The following COPG2 variants were observed in gnomAD, a reference collection of about 807,000 sequenced individuals.
COPG2 encodes coatomer subunit gamma-2.
A neutral mutation model predicts 46.3 loss-of-function variants in COPG2; 37 were observed. The observed-to-expected ratio is 0.80, with a 90% CI of 0.61 to 1.05. The LOEUF is 1.05. Among genes scored for constraint, COPG2 ranks in the 50% least tolerant of loss-of-function variants. The pLI is 0.00. For missense variants in COPG2, 427 were observed against 387.8 expected, an observed-to-expected ratio of 1.10 and a Z score of -0.85; for synonymous variants, 159 against 129.7, an observed-to-expected ratio of 1.23 and a Z score of -1.53.
chr7:130,617,134 A>G (rs1186607478), intron 5 of COPG2, 69 bp from the exon 6 acceptor site: 6 of 863,646 alleles, frequency 6.9e-6, no homozygotes, highest in Admixed American at 2.5e-5. Context: ...CCCCTAGCCA[A>G]TTTCCAATTG....
intron 9 of COPG2, among the ~76,000 whole-genome samples, chr7:130,585,986 G>A (rs1584984679): frequency 1.3e-5 from 2 of 152,026 alleles, no homozygotes; most frequent in African/African-American, 4.8e-5. Flanking sequence ...TCGAGGAAAA[G>A]AAGTCATTAT....
chr7:130,652,545 A>G (rs1248587867), intron 5 of COPG2, among the ~76,000 whole-genome samples: 1 of 152,196 alleles, frequency 6.6e-6, no homozygotes, highest in Non-Finnish European at 1.5e-5. Context: ...AGTTCTTTAT[A>G]TATTACAGAT....
chr7:130,517,131 G>A (rs1351472246), intron 20 of COPG2, among the ~76,000 whole-genome samples: 4 of 152,054 alleles, frequency 2.6e-5, no homozygotes, highest in African/African-American at 4.8e-5. Flanking sequence ...GAAAGTGAAG[G>A]GTTCCTGCTG....
chr7:130,615,129 T>C (rs573783052), intron 6 of COPG2, among the ~76,000 whole-genome samples: 1 of 152,360 alleles, frequency 6.6e-6, no homozygotes, highest in African/African-American at 2.4e-5. Flanking sequence ...TCCTTGGCTT[T>C]GCAGTTCTAG....
At chr7:130,611,448 G>A (rs1333259761) in intron 8 of COPG2, among the ~76,000 whole-genome samples, 1 of 152,074 alleles carries the variant, frequency 6.6e-6, no homozygotes, top group East Asian at 1.9e-4. Flanking sequence ...CTCTACGAGT[G>A]GCTTTACATC....
chr7:130,631,683 T>C (rs1263260387), intron 5 of COPG2, among the ~76,000 whole-genome samples: 1 of 152,212 alleles, frequency 6.6e-6, no homozygotes, highest in African/African-American at 2.4e-5. Flanking sequence ...TTCTCTTCTT[T>C]GCCTCATGCT....
intron 20 of COPG2, among the ~76,000 whole-genome samples, chr7:130,546,534 A>T (rs924719793): frequency 1.5e-4 from 23 of 152,202 alleles, no homozygotes; most frequent in Non-Finnish European, 3.2e-4. Context: ...GGGGTTATGG[A>T]TCCAGGGTGG....
chr7:130,619,894 C>G (rs1305239534), intron 5 of COPG2, among the ~76,000 whole-genome samples: 5 of 152,150 alleles, frequency 3.3e-5, no homozygotes, highest in African/African-American at 1.2e-4. Flanking sequence ...TGAAAACTGC[C>G]ATGAATGGCT....
intron 6 of COPG2, among the ~76,000 whole-genome samples, chr7:130,614,786 G>A (rs782162749): frequency 5.9e-5 from 9 of 152,088 alleles, no homozygotes; most frequent in Non-Finnish European, 7.4e-5. Context: ...GCTGGGCATC[G>A]GCCTGGTTTT....
At chr7:130,657,040 GC>G (rs1413483630) in intron 4 of COPG2, among the ~76,000 whole-genome samples, 3 of 150,660 alleles carry the variant, frequency 2.0e-5, no homozygotes, top group Non-Finnish European at 4.4e-5. Flanking sequence ...ATATGGAAAT[GC>G]AAAGGGCCCA....
intron 5 of COPG2, 135 bp downstream of exon 5, chr7:130,652,734 T>A (rs1446919125): frequency 1.5e-6 from 1 of 656,746 alleles, no homozygotes; most frequent in Non-Finnish European, 2.6e-6. Flanking sequence ...AAAACTTCAT[T>A]TTAGAAAAGA....
chr7:130,577,324 A>G (rs1038613446), intron 9 of COPG2, among the ~76,000 whole-genome samples: 7 of 152,246 alleles, frequency 4.6e-5, no homozygotes, highest in Non-Finnish European at 1.0e-4. Context: ...CACCGTGCGC[A>G]AGCCGAACCA....
At chr7:130,641,941 G>A (rs1478858905) in intron 5 of COPG2, among the ~76,000 whole-genome samples, 1 of 152,126 alleles carries the variant, frequency 6.6e-6, no homozygotes, top group African/African-American at 2.4e-5. Flanking sequence ...CATGGTCTTT[G>A]AATTTTTCAT....
At chr7:130,573,927 G>A (rs1170354699) in intron 9 of COPG2, among the ~76,000 whole-genome samples, 1 of 152,124 alleles carries the variant, frequency 6.6e-6, no homozygotes, top group Admixed American at 6.5e-5. Context: ...TTGGAAAATA[G>A]TTTGGCAATT....
intron 15 of COPG2, among the ~76,000 whole-genome samples, chr7:130,551,740 T>C (rs1793536746): frequency 6.6e-6 from 1 of 152,240 alleles, no homozygotes; most frequent in Non-Finnish European, 1.5e-5. Context: ...GCCACTGTTT[T>C]TGCTCAAATG....
intron 20 of COPG2, among the ~76,000 whole-genome samples, chr7:130,513,308 A>T (rs797023798): frequency 0.16 from 8,725 of 55,082 alleles, 1,226 homozygotes; most frequent in African/African-American, 0.27. Context: ...AAAAAAAAAA[A>T]ATATATATAT....
At chr7:130,656,198 A>AT (rs1795848882) in intron 4 of COPG2, among the ~76,000 whole-genome samples, 1 of 150,636 alleles carries the variant, frequency 6.6e-6, no homozygotes, top group African/African-American at 2.4e-5. Flanking sequence ...TTTTGGTTTG[A>AT]TTTTTTAGCT....
At chr7:130,633,109 G>T (rs782251392) in intron 5 of COPG2, among the ~76,000 whole-genome samples, 1 of 152,190 alleles carries the variant, frequency 6.6e-6, no homozygotes, top group Non-Finnish European at 1.5e-5. Context: ...ATTACATGGT[G>T]TATATGTGCC....
chr7:130,547,959 A>G, intron 19 of COPG2, 114 bp from the exon 20 acceptor site: 1 of 397,640 alleles, frequency 2.5e-6, no homozygotes, highest in Non-Finnish European at 4.4e-6. Flanking sequence ...AGAGCAGGGT[A>G]GGTCTCCTCC....
Sources: gnomAD v4.1 joint callset for allele counts (sites outside exome capture counted in the v4.1 genomes callset) on GRCh38, gnomAD v4.1.1 for gene constraint, MANE v1.5 for transcripts, NCBI Gene and HGNC (gene_info 2026-07-23, HGNC 2026-07-21) for gene names.